SUGCT: variants seen among roughly 807,000 people sequenced by gnomAD.
The protein encoded by SUGCT is succinyl-CoA:glutarate-CoA transferase.
SUGCT carries 41 observed loss-of-function variants against 55.0 expected under a neutral mutation model. The observed-to-expected ratio is 0.74, with a 90% CI of 0.58 to 0.97. SUGCT has a LOEUF of 0.97. Among genes scored for constraint, SUGCT ranks in the 50% least tolerant of loss-of-function variants. The pLI, the probability that SUGCT is intolerant of heterozygous loss-of-function variation, is 0.00. For missense variants in SUGCT, 568 were observed against 547.8 expected (o/e 1.04, Z -0.37); for synonymous variants, 187 against 200.4 (o/e 0.93, Z 0.56).
At chr7:40,311,225 A>G (rs552247522) in intron 8 of SUGCT, among the ~76,000 whole-genome samples, 2 of 152,246 alleles carry the variant, frequency 1.3e-5, no homozygotes, top group South Asian at 2.1e-4. Flanking sequence ...CTTAAAATAT[A>G]TCTTAAACTC....
At chr7:40,435,531 A>G (rs1788125287) in intron 9 of SUGCT, among the ~76,000 whole-genome samples, 1 of 152,172 alleles carries the variant, frequency 6.6e-6, no homozygotes, top group African/African-American at 2.4e-5. Context: ...GGGTTCTAAT[A>G]TCCCAGATAC....
intron 13 of SUGCT, among the ~76,000 whole-genome samples, chr7:40,768,383 A>G (rs1268442331): frequency 3.3e-5 from 5 of 152,112 alleles, no homozygotes; most frequent in African/African-American, 1.2e-4. Context: ...CAATGGCACC[A>G]TGGACTCTTG....
At chr7:40,926,300 A>AGATTGT in the SUGCT span, among the ~76,000 whole-genome samples, 2 of 152,024 alleles carry the variant, frequency 1.3e-5, no homozygotes, top group African/African-American at 4.8e-5. Context: ...GAATTGGGTA[A>AGATTGT]GATTGTCTTT....
chr7:40,920,816 AT>A, the SUGCT span, among the ~76,000 whole-genome samples: 1 of 152,274 alleles, frequency 6.6e-6, no homozygotes, highest in African/African-American at 2.4e-5. Flanking sequence ...ATAAATAAAA[AT>A]AAAATGAAAG....
At chr7:40,362,890 T>C (rs1050678891) in intron 9 of SUGCT, among the ~76,000 whole-genome samples, 4 of 152,152 alleles carry the variant, frequency 2.6e-5, no homozygotes, top group Non-Finnish European at 5.9e-5. Flanking sequence ...TTTTGTCTTA[T>C]AGTATATGAA....
chr7:40,861,720 T>C (rs1226793523), downstream of SUGCT, among the ~76,000 whole-genome samples: 1 of 152,236 alleles, frequency 6.6e-6, no homozygotes. Flanking sequence ...TCCAAACAAA[T>C]AGGAACTTGT....
chr7:40,618,476 G>A (rs573503404), intron 12 of SUGCT, among the ~76,000 whole-genome samples: 1 of 152,272 alleles, frequency 6.6e-6, no homozygotes, highest in East Asian at 1.9e-4. Context: ...ACATGACCAA[G>A]TAACTTTGTT....
intron 7 of SUGCT, among the ~76,000 whole-genome samples, chr7:40,242,933 A>ATATATATATATATT (rs1270335224): frequency 5.8e-5 from 1 of 17,216 alleles, no homozygotes; most frequent in African/African-American, 1.5e-4. Flanking sequence ...ATATATATAT[A>ATATATATATATATT]TTTTTTTTTT....
chr7:40,913,051 G>A, the SUGCT span, among the ~76,000 whole-genome samples: 4 of 132,934 alleles, frequency 3.0e-5, no homozygotes, highest in Admixed American at 8.6e-5. Context: ...TCCCTCTGTC[G>A]CTGGCCTGGA....
chr7:40,910,973 T>C, the SUGCT span, among the ~76,000 whole-genome samples: 2 of 152,154 alleles, frequency 1.3e-5, no homozygotes, highest in African/African-American at 4.8e-5. Context: ...AGGAAAGAAA[T>C]AGAACTCAGA....
rs1784404742 is a variant in SUGCT, at chr7:40,165,949, A to C, written c.101-14998A>C. 2.0e-5 allele frequency among the ~76,000 whole-genome samples: 3 copies of C among 152,130 alleles called. No homozygotes were observed. In the South Asian group the frequency reaches 6.2e-4, roughly 31 times the overall value. ...AGCCTGGCCAATATGGTGAAACCCCATCTCTACAAAAAATATATAAAAATT... is the reference window on the plus strand; with the variant it reads ...AGCCTGGCCAATATGGTGAAACCCCCTCTCTACAAAAAATATATAAAAATT... On this transcript the variant is annotated intron_variant, in intron 1 of 13. Transcript: ENST00000335693.
At chr7:41,008,831 C>T in the SUGCT span, among the ~76,000 whole-genome samples, 1 of 151,992 alleles carries the variant, frequency 6.6e-6, no homozygotes, top group Non-Finnish European at 1.5e-5. Context: ...TGCAGTGGTG[C>T]TTGTTGGCAG....
intron 11 of SUGCT, among the ~76,000 whole-genome samples, chr7:40,476,004 G>A (rs1233263270): frequency 6.6e-6 from 1 of 152,080 alleles, no homozygotes; most frequent in Non-Finnish European, 1.5e-5. Context: ...GGGATGGGGT[G>A]GTAAGAGCAT....
the SUGCT span, among the ~76,000 whole-genome samples, chr7:41,028,210 CAAGAG>C: frequency 6.6e-6 from 1 of 152,020 alleles, no homozygotes; most frequent in East Asian, 1.9e-4. Flanking sequence ...ACCTAGAAGC[CAAGAG>C]AAAGAAGGAA....
intron 10 of SUGCT, among the ~76,000 whole-genome samples, chr7:40,458,572 T>G (rs1789611649): frequency 1.3e-5 from 2 of 152,238 alleles, no homozygotes; most frequent in Non-Finnish European, 2.9e-5. Flanking sequence ...TTTACTTTAT[T>G]TTAGCAGCTT....
chr7:40,780,247 C>T (rs1195006211), intron 13 of SUGCT, among the ~76,000 whole-genome samples: 1 of 152,044 alleles, frequency 6.6e-6, no homozygotes, highest in Admixed American at 6.6e-5. Flanking sequence ...TAACTATTTC[C>T]TTTTTATAAT....
At chr7:41,032,802 T>C in the SUGCT span, among the ~76,000 whole-genome samples, 1 of 152,200 alleles carries the variant, frequency 6.6e-6, no homozygotes, top group African/African-American at 2.4e-5. Context: ...TCTCACTCTG[T>C]CGCTAGGCTG....
intron 1 of SUGCT, among the ~76,000 whole-genome samples, chr7:40,167,933 T>TA (rs1784496334): frequency 6.6e-6 from 1 of 152,164 alleles, no homozygotes; most frequent in Non-Finnish European, 1.5e-5. Flanking sequence ...AGAGCTCTCA[T>TA]ACAATGGGAG....
At chr7:40,526,343 A>G (rs772513073) in intron 12 of SUGCT, among the ~76,000 whole-genome samples, 5 of 152,196 alleles carry the variant, frequency 3.3e-5, no homozygotes, top group Non-Finnish European at 7.4e-5. Context: ...TTAGCCCTCA[A>G]TAGCTGTTAA....
Sources: allele counts gnomAD v4.1 joint callset (sites outside exome capture counted in the v4.1 genomes callset), GRCh38; gene constraint gnomAD v4.1.1; transcripts MANE v1.5; gene names NCBI Gene and HGNC (gene_info 2026-07-23, HGNC 2026-07-21).